The following CTSE variants were observed in gnomAD, a reference collection of about 807,000 sequenced individuals.
CTSE encodes cathepsin E, also known as erythrocyte membrane aspartic proteinase.
Under a neutral mutation model 42.8 loss-of-function variants are expected in CTSE, and 43 were observed. The ratio of observed to expected loss-of-function variants is 1.01; its 90% CI spans 0.79 to 1.30. The LOEUF is 1.30. Ranked by LOEUF, CTSE falls within the 50% of genes most tolerant of loss-of-function variation. The pLI, the probability that CTSE is intolerant of heterozygous loss-of-function variation, is 0.00. For synonymous variants in CTSE, 205 were observed against 191.5 expected, an observed-to-expected ratio of 1.07 and a Z score of -0.58; for missense variants, 532 against 493.5, an observed-to-expected ratio of 1.08 and a Z score of -0.74.
chr1:206,015,160 T>A (rs1661228518), intron 5 of CTSE, among the ~76,000 whole-genome samples: 1 of 152,158 alleles, frequency 6.6e-6, no homozygotes, highest in Non-Finnish European at 1.5e-5. Flanking sequence ...TAAAATGTAC[T>A]ATCTTACCCA....
intron 4 of CTSE, among the ~76,000 whole-genome samples, chr1:206,019,959 A>T (rs60145875): frequency 7.0e-6 from 1 of 143,704 alleles, no homozygotes; most frequent in South Asian, 2.1e-4. Flanking sequence ...CATTATATCA[A>T]TTATATTCTA....
chr1:206,013,225 C>T (rs1198909585), intron 6 of CTSE, among the ~76,000 whole-genome samples: 1 of 152,032 alleles, frequency 6.6e-6, no homozygotes, highest in Non-Finnish European at 1.5e-5. Flanking sequence ...TCCCACTTCC[C>T]CAATTGCTTC....
chr1:206,021,121 C>A lies in CTSE; in HGVS notation c.390G>T (p.Gln130His). The A allele has an allele frequency of 6.2e-7, 1 of 1,613,802 alleles. No individual in the cohort carries two copies. The highest frequency in any genetic ancestry group is 8.5e-7 in the Non-Finnish European group (1 of 1,179,772). ...FQPSQSSTYS[Q>H]PGQSFSIQYG... The stretch of plus-strand genomic sequence containing the variant: ...ACTGAATGGAGAAAGATTGACCTGG[C>A]TGGCTGTATGTGCTGGACTGGGAAG... Residue 130 changes from glutamine to histidine, a missense_variant, in exon 4 of 9, where the codon CAG becomes CAT. By Grantham distance (24) the Gln-to-His change is conservative. Transcript: ENST00000358184.
intron 4 of CTSE, among the ~76,000 whole-genome samples, chr1:206,018,590 T>C (rs972047491): frequency 7.2e-5 from 11 of 151,990 alleles, no homozygotes; most frequent in African/African-American, 2.2e-4. Context: ...AGAGTATATC[T>C]TTAAAAGATT....
chr1:206,012,263 G>T, intron 8 of CTSE, 45 bp downstream of exon 8: 1 of 1,495,988 alleles, frequency 6.7e-7, no homozygotes, highest in Non-Finnish European at 9.3e-7. Context: ...TGGCAGGCAT[G>T]TGGGGAGGGC....
intron 4 of CTSE, 85 bp downstream of exon 4, chr1:206,020,964 C>A: frequency 2.0e-6 from 2 of 1,017,946 alleles, no homozygotes; most frequent in Admixed American, 3.5e-5. Flanking sequence ...CCACCCATTC[C>A]TGAGGCAGAT....
chr1:206,015,967 A>G lies in CTSE; in HGVS notation c.626T>C (p.Leu209Pro), dbSNP rs782201132. The G allele has an allele frequency of 3.1e-6, 5 of 1,613,774 alleles. No individual in the cohort carries two copies. The highest frequency in any genetic ancestry group is 2.2e-5 in the East Asian group (1 of 44,894). ...GACAGAAAACATCGGCAAGTCCACC[A>G]GGTTCTGAGCCATCATGTTGTCAAA... ...PVFDNMMAQN[L>P]VDLPMFSVYM... is the part of the protein sequence containing the mutation. The change falls in exon 5 of 9, where the codon CTG becomes CCG. Residue 209 changes from leucine to proline, a missense_variant. Leu to Pro is a moderately conservative substitution (Grantham distance 98). Transcript: ENST00000358184.
At chr1:206,013,249 G>A (rs1044190816) in intron 6 of CTSE, among the ~76,000 whole-genome samples, 10 of 152,052 alleles carry the variant, frequency 6.6e-5, no homozygotes, top group African/African-American at 1.7e-4. Flanking sequence ...CCCAGATATT[G>A]TATATATTTC....
At chr1:206,023,162 G>A (rs1661499683) in intron 1 of CTSE, 105 bp from the exon 2 acceptor site, 2 of 850,822 alleles carry the variant, frequency 2.4e-6, no homozygotes, top group Admixed American at 2.0e-5. Flanking sequence ...TGGGGTGGGA[G>A]GGGGGGATCT....
At position 206,012,420 on chromosome 1, in the gene CTSE, C is replaced by G. The variant is rs781783209; in HGVS notation, c.928-14G>C. 2.5e-5 allele frequency: 41 copies of G among 1,613,738 alleles called. No homozygotes were observed. The East Asian group carries it at 8.9e-4, about 35-fold the overall frequency. On this transcript the variant is annotated splice_polypyrimidine_tract_variant and intron_variant, in intron 7 of 8. Transcript: ENST00000358184. Reference sequence around the variant, plus strand: ...CTCCACAGCATACTAAAACCCAATACGGAGGATCCGTTTAGAGCCTTGCCA... The same window carrying G: ...CTCCACAGCATACTAAAACCCAATAGGGAGGATCCGTTTAGAGCCTTGCCA...
chr1:206,012,208 C>T, intron 8 of CTSE, 100 bp downstream of exon 8: 1 of 940,088 alleles, frequency 1.1e-6, no homozygotes, highest in Non-Finnish European at 1.6e-6. Flanking sequence ...TGGGGCGGGG[C>T]TTAGGGTAAA....
Position 206,015,919 on chromosome 1 carries a change from G to C in CTSE, c.662+12C>G. 1 of 1,612,330 alleles carries C rather than the reference G, an allele frequency of 6.2e-7. No individual in the cohort carries two copies. The highest frequency in any genetic ancestry group is 8.5e-7 in the Non-Finnish European group (1 of 1,178,616). On this transcript the variant is annotated intron_variant, in intron 5 of 8. Transcript: ENST00000358184. The stretch of plus-strand genomic sequence containing the variant: ...TAACTGACTTTAACCTCACAGACTT[G>C]ATGGGCCTTACCTGCTCATGTAGAC...
At position 206,010,182 on chromosome 1, in the gene CTSE, C is replaced by T. The variant is rs1661047104; in HGVS notation, c.*1G>A. The T allele has an allele frequency of 2.8e-5, 45 of 1,613,754 alleles. No homozygotes were observed. Among genetic ancestry groups the T allele is most frequent in the Non-Finnish European group, 3.6e-5 (43 of 1,179,816 alleles). Reference sequence around the variant, plus strand: ...GGCAGGCACAGACACAAGGCCCCTCCTTAGGGGACTGCTGGGGCCAGTCCC... The same window carrying T: ...GGCAGGCACAGACACAAGGCCCCTCTTTAGGGGACTGCTGGGGCCAGTCCC... On this transcript the variant is annotated 3_prime_UTR_variant, in exon 9 of 9. Coordinates refer to ENST00000358184, the MANE Select transcript of CTSE (RefSeq NM_001910.4).
At chr1:206,016,810 A>C (rs1663840997) in intron 4 of CTSE, among the ~76,000 whole-genome samples, 2 of 152,088 alleles carry the variant, frequency 1.3e-5, no homozygotes, top group South Asian at 4.1e-4. Flanking sequence ...TGCCAACACC[A>C]CACGTCTACA....
chr1:206,013,857 C>T lies in CTSE; in HGVS notation c.700G>A (p.Gly234Arg), dbSNP rs1553277452. Reference sequence around the variant, plus strand: ...GAGAAATGGGAGTGGTCGTAGCCTCCAAAAATCAGCTCGCTCCCCGCACCA... The same window carrying T: ...GAGAAATGGGAGTGGTCGTAGCCTCTAAAAATCAGCTCGCTCCCCGCACCA... Reference protein sequence around the residue: ...EGGAGSELIFGGYDHSHFSGS... With the variant: ...EGGAGSELIFRGYDHSHFSGS... The change falls in exon 6 of 9, where the codon GGA becomes AGA. Residue 234 changes from glycine to arginine, a missense_variant. Coordinates refer to ENST00000358184, the MANE Select transcript of CTSE (RefSeq NM_001910.4). 6.2e-7 allele frequency: 1 copy of T among 1,613,600 alleles called. No individual in the cohort carries two copies. The highest frequency in any genetic ancestry group is 8.5e-7 in the Non-Finnish European group (1 of 1,179,800).
At chr1:206,014,840 A>C (rs1661218397) in intron 5 of CTSE, among the ~76,000 whole-genome samples, 1 of 152,004 alleles carries the variant, frequency 6.6e-6, no homozygotes, top group Admixed American at 6.6e-5. Flanking sequence ...TCTCTTACTC[A>C]CAGCTCTTCC....
At chr1:206,015,576 C>T (rs1396630930) in intron 5 of CTSE, among the ~76,000 whole-genome samples, 1 of 151,840 alleles carries the variant, frequency 6.6e-6, no homozygotes, top group African/African-American at 2.4e-5. Context: ...TTTTTTTCTG[C>T]CTCCTCCTCC....
intron 5 of CTSE, among the ~76,000 whole-genome samples, 194 bp downstream of exon 5, chr1:206,015,737 T>C (rs1661242300): frequency 6.6e-6 from 1 of 152,056 alleles, no homozygotes; most frequent in African/African-American, 2.4e-5. Flanking sequence ...GTTTACAAAG[T>C]GTTTTTACAG....
chr1:206,013,697 C>A, intron 6 of CTSE, 75 bp downstream of exon 6: 1 of 1,543,302 alleles, frequency 6.5e-7, no homozygotes, highest in Non-Finnish European at 8.8e-7. Context: ...AGTGGTTTTT[C>A]AGTTAAATCG....
Sources: allele counts gnomAD v4.1 joint callset (sites outside exome capture counted in the v4.1 genomes callset), GRCh38; gene constraint gnomAD v4.1.1; transcripts MANE v1.5; gene names NCBI Gene and HGNC (gene_info 2026-07-23, HGNC 2026-07-21).